ABCB8: variants seen among roughly 807,000 people sequenced by gnomAD.
The protein encoded by ABCB8 is mitochondrial potassium channel ATP-binding subunit.
Under a neutral mutation model 73.0 loss-of-function variants are expected in ABCB8, and 52 were observed. That is an observed-to-expected ratio of 0.71 (90% CI 0.57 to 0.90). ABCB8 has a LOEUF of 0.90. ABCB8 is among the 40% of genes least tolerant of loss of function. The probability of loss-of-function intolerance (pLI) is 0.00; values close to 1 mark genes in which losing one functional copy is unlikely to be tolerated. For missense variants in ABCB8, 909 were observed against 974.6 expected, an observed-to-expected ratio of 0.93 and a Z score of 0.90; for synonymous variants, 428 against 423.5, an observed-to-expected ratio of 1.01 and a Z score of -0.13.
At position 151,045,251 on chromosome 7, in the gene ABCB8, G is replaced by A. The variant is rs778555833; in HGVS notation, c.2059G>A (p.Ala687Thr). ...GCTCCTGAAGAAAGGCGGGCTATAC[G>A]CCGAGCTCATCCGGAGGCAGGCCCT... ...EELLKKGGLYAELIRRQALDA... is the reference protein window; with the variant it reads ...EELLKKGGLYTELIRRQALDA... The change falls in exon 16 of 16, where the codon GCC (alanine) becomes ACC (threonine). Residue 687 changes from alanine (A) to threonine (T), a missense_variant. Transcript: ENST00000358849. The A allele has an allele frequency of 6.2e-6, 10 of 1,602,838 alleles. No homozygotes were observed. The highest frequency in any genetic ancestry group is 3.4e-5 in the Admixed American group (2 of 58,684).
chr7:151,045,298 C>G lies in ABCB8; in HGVS notation c.2106C>G (p.Ala702=). 1 of 1,600,762 alleles carries G rather than the reference C, an allele frequency of 6.2e-7. No individual in the cohort carries two copies. Among genetic ancestry groups the G allele is most frequent in the Admixed American group, 1.7e-5 (1 of 58,348 alleles). Reference sequence around the variant, plus strand: ...CCCTGGATGCCCCGAGGACAGCGGCCCCACCGCCCAAAAAGCCAGAAGGCC... The same window carrying G: ...CCCTGGATGCCCCGAGGACAGCGGCGCCACCGCCCAAAAAGCCAGAAGGCC... ...RQALDAPRTA[A]PPPKKPEGPR... is the part of the protein sequence containing the mutation. Residue 702 remains alanine (A), a synonymous_variant, in exon 16 of 16, where the codon GCC becomes GCG. Coordinates refer to ENST00000358849, the MANE Select transcript of ABCB8 (RefSeq NM_007188.5).
chr7:151,034,170 GCAGTGCT>G, intron 2 of ABCB8, 96 bp from the exon 3 acceptor site: 1 of 1,348,560 alleles, frequency 7.4e-7, no homozygotes, highest in Non-Finnish European at 1.0e-6. Flanking sequence ...CTGGACAAGC[GCAGTGCT>G]CAGTAGTGGG....
chr7:151,034,779 A>G lies in ABCB8; in HGVS notation c.715A>G (p.Thr239Ala). 3 of 1,614,102 alleles carry G rather than the reference A, an allele frequency of 1.9e-6. No individual in the cohort carries two copies. Among genetic ancestry groups the G allele is most frequent in the Non-Finnish European group, 2.5e-6 (3 of 1,179,964 alleles). Reference protein sequence around the residue: ...NKTGQLVSRLTTDVQEFKSSF... With the variant: ...NKTGQLVSRLATDVQEFKSSF... ...GACAGGGCAGCTGGTGAGCCGCTTG[A>G]CAACTGACGTGCAGGAGTTTAAGTC... Residue 239 changes from threonine (T) to alanine (A), a missense_variant, in exon 5 of 16, where the codon ACA becomes GCA. Thr to Ala is a moderately conservative substitution (Grantham distance 58). Coordinates refer to ENST00000358849, the MANE Select transcript of ABCB8 (RefSeq NM_007188.5).
In ABCB8 at chr7:151,033,684, C is replaced by T. The variant is rs767905649; in HGVS notation, c.175C>T (p.Arg59Ter). The T allele has an allele frequency of 8.1e-6, 13 of 1,612,196 alleles. No homozygotes were observed. Among genetic ancestry groups the T allele is most frequent in the East Asian group, 4.5e-5 (2 of 44,848 alleles). The change falls in exon 2 of 16, where the codon CGA (arginine) becomes TGA (stop). Residue 59 changes from arginine (R) to a stop codon, truncating the protein, a stop_gained. Coordinates refer to ENST00000358849, the MANE Select transcript of ABCB8 (RefSeq NM_007188.5). LOFTEE classifies it high-confidence loss of function. ...LRSQLWAHLP[R>*]APLAPRWSPS... ...GTCCCAGCTCTGGGCCCACCTCCCT[C>T]GAGCCCCCCTAGCTCCCAGATGGAG... is the stretch of plus-strand genomic sequence containing the variant.
intron 9 of ABCB8, chr7:151,039,288 C>T (rs1301685968): frequency 7.5e-6 from 1 of 134,164 alleles, no homozygotes; most frequent in Non-Finnish European, 1.6e-5. Context: ...TGCCTGGTGC[C>T]TCCCCCGGCT....
rs1796639366 is a variant in ABCB8, at chr7:151,047,325, G to C, written c.*1976G>C. ...CTCGGCCTTCGCTCCACAGTGGAGAGTGGGAGCCTAGCTGTGCTTGATGCT... is the reference window on the plus strand; with the variant it reads ...CTCGGCCTTCGCTCCACAGTGGAGACTGGGAGCCTAGCTGTGCTTGATGCT... On this transcript the variant is annotated 3_prime_UTR_variant, in exon 16 of 16. Coordinates refer to ENST00000358849, the MANE Select transcript of ABCB8 (RefSeq NM_007188.5). The C allele has an allele frequency of 6.6e-6, 1 of 152,284 alleles. No homozygotes were observed. Among genetic ancestry groups the C allele is most frequent in the Non-Finnish European group, 1.5e-5 (1 of 68,066 alleles). 9.4% of individuals were successfully genotyped at this position (152,284 alleles called of 1,614,324 possible).
rs188917143 is a variant in ABCB8 at position 151,029,036 on chromosome 7, C to G, written c.95+426C>G. On this transcript the variant is annotated intron_variant, in intron 1 of 15. Transcript: ENST00000358849. Reference sequence around the variant, plus strand: ...TGTTCAGCAGGGATAAAGAGCCAATCTAATAGGCCGGGCGCGGTGGCTCGC... The same window carrying G: ...TGTTCAGCAGGGATAAAGAGCCAATGTAATAGGCCGGGCGCGGTGGCTCGC... 6,318 of 1,165,820 alleles carry G rather than the reference C, an allele frequency of 5.4e-3. 29 individuals carry two copies. Among genetic ancestry groups the G allele is most frequent in the Non-Finnish European group, 6.0e-3 (5,537 of 925,058 alleles). 72.2% of individuals were successfully genotyped at this position (1,165,820 alleles called of 1,614,324 possible). A position where few individuals can be genotyped will look rare whatever the true frequency, so the allele number is the denominator to read the frequency against.
rs1223664638 is a variant in ABCB8, at chr7:151,044,236, G to C, written c.2016+15G>C. ...GTGTCTGGGAGGTTAGTTGTCCTGGGGGCGTGGATCAGTGGGTTGAGGATG... is the reference window on the plus strand; with the variant it reads ...GTGTCTGGGAGGTTAGTTGTCCTGGCGGCGTGGATCAGTGGGTTGAGGATG... On this transcript the variant is annotated intron_variant, in intron 15 of 15. Transcript: ENST00000358849. 1 of 1,593,284 alleles carries C rather than the reference G, an allele frequency of 6.3e-7. No individual in the cohort carries two copies.
In ABCB8 at chr7:151,041,957, A is replaced by C. The variant is rs564897789; in HGVS notation, c.1618-4A>C. The C allele has an allele frequency of 6.2e-6, 10 of 1,612,090 alleles. No homozygotes were observed. In the South Asian group the frequency reaches 7.7e-5, roughly 12 times the overall value. ...ACTCTGTCTCCATAACCCCTCACCCACAGGAGCCCGTCCTGTTTGGGACGA... is the reference window on the plus strand; with the variant it reads ...ACTCTGTCTCCATAACCCCTCACCCCCAGGAGCCCGTCCTGTTTGGGACGA... On this transcript the variant is annotated splice_region_variant and splice_polypyrimidine_tract_variant and intron_variant, in intron 13 of 15. Transcript: ENST00000358849.
intron 5 of ABCB8, 34 bp from the exon 6 acceptor site, chr7:151,035,547 G>T: frequency 6.4e-7 from 1 of 1,558,718 alleles, no homozygotes; most frequent in African/African-American, 1.4e-5. Context: ...TGGTGCGGAC[G>T]CCGTAGCCTC....
rs1297360183 is a variant in ABCB8, at chr7:151,044,168, A to G, written c.1963A>G (p.Thr655Ala). Residue 655 changes from threonine to alanine, a missense_variant, in exon 15 of 16, where the codon ACT becomes GCT. Thr to Ala is a moderately conservative substitution (Grantham distance 58, BLOSUM62 0). Coordinates refer to ENST00000358849, the MANE Select transcript of ABCB8 (RefSeq NM_007188.5). ...TVLVIAHRLS[T>A]VRGAHCIVVM... ...GCTGGTAATTGCCCACCGGCTCAGC[A>G]CTGTCCGTGGGGCCCACTGCATTGT... 4 of 1,611,828 alleles carry G rather than the reference A, an allele frequency of 2.5e-6. No homozygotes were observed. In the African/African-American group the frequency reaches 4.0e-5, roughly 16 times the overall value.
At chr7:151,037,044 C>T (rs189997778) in intron 9 of ABCB8, 113 of 687,228 alleles carry the variant, frequency 1.6e-4, no homozygotes, top group Admixed American at 8.1e-4. Flanking sequence ...TGTCACCGTC[C>T]GCCTCCAGAA....
Position 151,036,838 on chromosome 7 carries a change from C to G in ABCB8, c.1217+189C>G, listed in dbSNP as rs776299297. ...TCAGGGCCCATAACAACCCTCCTGGCTGGGGCAGTGGCGCTGCAGCAGGCA... is the reference window on the plus strand; with the variant it reads ...TCAGGGCCCATAACAACCCTCCTGGGTGGGGCAGTGGCGCTGCAGCAGGCA... On this transcript the variant is annotated intron_variant, in intron 9 of 15. Transcript: ENST00000358849. 3 of 759,534 alleles carry G rather than the reference C, an allele frequency of 3.9e-6. No individual in the cohort carries two copies. In the South Asian group the frequency reaches 4.1e-5, roughly 11 times the overall value. The allele number at this position is 759,534 out of a possible 1,614,324, so 47.0% of individuals were successfully genotyped here. A position where few individuals can be genotyped will look rare whatever the true frequency, so the allele number is the denominator to read the frequency against.
At chr7:151,036,466 A>G in intron 8 of ABCB8, 78 bp from the exon 9 acceptor site, 1 of 1,290,324 alleles carries the variant, frequency 7.7e-7, no homozygotes, top group Non-Finnish European at 1.1e-6. Context: ...TGACTCTCCC[A>G]GTCAGCAGTG....
chr7:151,042,780 C>T (rs966519298), intron 14 of ABCB8, among the ~76,000 whole-genome samples: 1 of 152,188 alleles, frequency 6.6e-6, no homozygotes, highest in Non-Finnish European at 1.5e-5. Flanking sequence ...CTGGGCTTCT[C>T]AACTCTGGTC....
chr7:151,035,956 A>G lies in ABCB8; in HGVS notation c.1002A>G (p.Gln334=), dbSNP rs1287555467. Residue 334 remains glutamine, a synonymous_variant, in exon 7 of 16, where the codon CAA becomes CAG. Coordinates refer to ENST00000358849, the MANE Select transcript of ABCB8 (RefSeq NM_007188.5). ...CTGTGCGTGCCTTCGCCATGGAGCAACGGGAAGAGGAGTGAGTCCTGGGAG... is the reference window on the plus strand; with the variant it reads ...CTGTGCGTGCCTTCGCCATGGAGCAGCGGGAAGAGGAGTGAGTCCTGGGAG... ...VRTVRAFAME[Q]REEERYGAEL... 6 of 1,613,892 alleles carry G rather than the reference A, an allele frequency of 3.7e-6. No homozygotes were observed. The highest frequency in any genetic ancestry group is 3.3e-5 in the South Asian group (3 of 91,086).
chr7:151,040,661 A>T (rs781060769), intron 11 of ABCB8, 27 bp downstream of exon 11: 2 of 1,605,816 alleles, frequency 1.2e-6, no homozygotes, highest in Non-Finnish European at 1.7e-6. Context: ...AGGCGTGGGG[A>T]TGGGTCCCTG....
chr7:151,037,266 A>G (rs1322064378), intron 9 of ABCB8: 1 of 703,002 alleles, frequency 1.4e-6, no homozygotes, highest in African/African-American at 1.7e-5. Context: ...ACCCTGTCCG[A>G]ATTCCCTTCC....
In ABCB8 at chr7:151,033,066, G is replaced by C. The variant is rs542089386; in HGVS notation, c.96-539G>C. 1.1e-4 allele frequency: 52 copies of C among 456,678 alleles called. 1 individual carries two copies. Among genetic ancestry groups the C allele is most frequent in the South Asian group, 7.6e-4 (49 of 64,576 alleles). The allele number at this position is 456,678 out of a possible 1,614,324, so 28.3% of individuals were successfully genotyped here. A position where few individuals can be genotyped will look rare whatever the true frequency, so the allele number is the denominator to read the frequency against. On this transcript the variant is annotated intron_variant, in intron 1 of 15. Coordinates refer to ENST00000358849, the MANE Select transcript of ABCB8 (RefSeq NM_007188.5). Reference sequence around the variant, plus strand: ...ATGATTTTTTTCATCTGTCAGGTGAGAATAATGGCACCTCCCTCCCAGGGA... The same window carrying C: ...ATGATTTTTTTCATCTGTCAGGTGACAATAATGGCACCTCCCTCCCAGGGA...
Sources: allele counts gnomAD v4.1 joint callset (sites outside exome capture counted in the v4.1 genomes callset), GRCh38; gene constraint gnomAD v4.1.1; transcripts MANE v1.5; gene names NCBI Gene and HGNC (gene_info 2026-07-23, HGNC 2026-07-21).